RANBP2: variants seen among roughly 807,000 people sequenced by gnomAD.
The protein encoded by RANBP2 is RAN binding protein 2.
Under a neutral mutation model 303.6 loss-of-function variants are expected in RANBP2, and 57 were observed. The observed-to-expected ratio is 0.19, with a 90% CI of 0.15 to 0.23. The LOEUF is 0.23. RANBP2 is among the 10% of genes least tolerant of loss of function. The pLI is 1.00. For missense variants in RANBP2, 3,138 were observed against 3,780.8 expected (o/e 0.83, Z 4.46); for synonymous variants, 1,167 against 1,301.5 (o/e 0.90, Z 2.23).
At chr2:109,338,727 T>A in the RANBP2 span, among the ~76,000 whole-genome samples, 1 of 152,154 alleles carries the variant, frequency 6.6e-6, no homozygotes, top group Non-Finnish European at 1.5e-5. Context: ...CCGACTAATT[T>A]GTGTATTTTT....
the RANBP2 span, among the ~76,000 whole-genome samples, chr2:109,111,830 T>C: frequency 3.6e-5 from 5 of 139,782 alleles, no homozygotes; most frequent in Non-Finnish European, 7.7e-5. Flanking sequence ...CCCCTTCCTG[T>C]GTCCATGTGT....
At chr2:109,251,753 T>TAATTATTACAA in the RANBP2 span, 1 of 603,746 alleles carries the variant, frequency 1.7e-6, no homozygotes, top group East Asian at 2.8e-5. Context: ...GACTTTTTGT[T>TAATTATTACAA]AAATAAACTT....
At chr2:109,048,053 G>A in the RANBP2 span, among the ~76,000 whole-genome samples, 3 of 152,176 alleles carry the variant, frequency 2.0e-5, no homozygotes, top group Non-Finnish European at 4.4e-5. Flanking sequence ...ATCCCAATCA[G>A]CTGTTAATAG....
chr2:109,559,746 C>T, the RANBP2 span, among the ~76,000 whole-genome samples: 3 of 152,128 alleles, frequency 2.0e-5, no homozygotes, highest in African/African-American at 7.2e-5. Context: ...GCCTACTGGA[C>T]ATTCTTTCCC....
the RANBP2 span, among the ~76,000 whole-genome samples, chr2:109,540,364 TCTCA>T: frequency 2.1e-3 from 319 of 152,290 alleles, no homozygotes; most frequent in African/African-American, 6.7e-3. Context: ...TGTTTAAATC[TCTCA>T]CTAAGTGTGG....
the RANBP2 span, among the ~76,000 whole-genome samples, chr2:109,195,484 A>G: frequency 2.6e-5 from 4 of 152,196 alleles, no homozygotes; most frequent in Admixed American, 6.5e-5. Context: ...CTTGCCACAT[A>G]AAGAGCTGTA....
intron 6 of RANBP2, among the ~76,000 whole-genome samples, chr2:108,740,195 G>T (rs1199707445): frequency 1.3e-5 from 2 of 152,084 alleles, no homozygotes; most frequent in Non-Finnish European, 2.9e-5. Context: ...CTTTATCCTG[G>T]TTTATTTTGA....
the RANBP2 span, among the ~76,000 whole-genome samples, chr2:108,869,186 CTT>C: frequency 6.6e-6 from 1 of 152,102 alleles, no homozygotes; most frequent in African/African-American, 2.4e-5. Flanking sequence ...ACTAAAATAA[CTT>C]TGTAGGAACT....
the RANBP2 span, among the ~76,000 whole-genome samples, chr2:109,382,851 G>T: frequency 2.6e-5 from 4 of 152,298 alleles, no homozygotes; most frequent in South Asian, 6.2e-4. Context: ...TTGGCTGTTG[G>T]ATTATGAACC....
intron 1 of RANBP2, among the ~76,000 whole-genome samples, chr2:108,728,413 C>A (rs1006125687): frequency 1.7e-4 from 26 of 152,112 alleles, no homozygotes; most frequent in African/African-American, 5.1e-4. Flanking sequence ...CCTTCCTTGG[C>A]CTCCTGAGTA....
In RANBP2 at chr2:108,775,947, AT is replaced by A. The variant is rs1677861043; in HGVS notation, c.8497+12del. On this transcript the variant is annotated intron_variant, in intron 24 of 28. Transcript: ENST00000283195. ...ATTCTACAAGCCAAGGTAAATCTTG[AT>A]ATATGTTTATCATGTGTTACATAAG... is the stretch of plus-strand genomic sequence containing the variant. 1.9e-6 allele frequency: 3 copies of A among 1,597,990 alleles called. No individual in the cohort carries two copies. The highest frequency in any genetic ancestry group is 3.3e-5 in the Admixed American group (2 of 59,706).
At chr2:109,387,525 C>G in the RANBP2 span, among the ~76,000 whole-genome samples, 1 of 152,230 alleles carries the variant, frequency 6.6e-6, no homozygotes, top group Admixed American at 6.5e-5. Context: ...CTGTTCCCAC[C>G]TGCCCATCAC....
the RANBP2 span, among the ~76,000 whole-genome samples, chr2:109,269,185 A>T: frequency 1.3e-5 from 2 of 152,284 alleles, no homozygotes; most frequent in Admixed American, 1.3e-4. Flanking sequence ...ACAGGCTGAG[A>T]TTCCTCTCCA....
At chr2:109,257,736 C>T in the RANBP2 span, among the ~76,000 whole-genome samples, 3 of 152,062 alleles carry the variant, frequency 2.0e-5, no homozygotes, top group Non-Finnish European at 2.9e-5. Context: ...GTCTCAGTGT[C>T]CAAAAAAACC....
At chr2:109,373,773 A>G in the RANBP2 span, among the ~76,000 whole-genome samples, 2 of 152,134 alleles carry the variant, frequency 1.3e-5, no homozygotes, top group Admixed American at 6.5e-5. Flanking sequence ...TCTAACTGCA[A>G]TTTCAAAAGC....
chr2:109,735,331 G>GAACAT, the RANBP2 span, among the ~76,000 whole-genome samples: 1 of 152,158 alleles, frequency 6.6e-6, no homozygotes, highest in Non-Finnish European at 1.5e-5. Context: ...TGTTGTAAAT[G>GAACAT]AGAGAATTTT....
chr2:109,176,189 G>T, the RANBP2 span, among the ~76,000 whole-genome samples: 264 of 152,248 alleles, frequency 1.7e-3, 1 homozygote, highest in African/African-American at 6.1e-3. Context: ...TACAACCAGT[G>T]GGGGAAAAGC....
chr2:108,729,471 T>G (rs1441007681), intron 2 of RANBP2, among the ~76,000 whole-genome samples: 2 of 152,186 alleles, frequency 1.3e-5, no homozygotes, highest in African/African-American at 2.4e-5. Context: ...TCTGTTGGAG[T>G]AAAAGAGGAC....
chr2:109,587,463 G>T, the RANBP2 span, among the ~76,000 whole-genome samples: 28 of 151,916 alleles, frequency 1.8e-4, no homozygotes, highest in Non-Finnish European at 5.9e-5. Flanking sequence ...GGGGTAGGAG[G>T]GAGGGAAAAA....
Sources: gnomAD v4.1 joint callset for allele counts (sites outside exome capture counted in the v4.1 genomes callset) on GRCh38, gnomAD v4.1.1 for gene constraint, MANE v1.5 for transcripts, NCBI Gene and HGNC (gene_info 2026-07-23, HGNC 2026-07-21) for gene names.